MPPED2: variants seen among roughly 807,000 people sequenced by gnomAD.
MPPED2 encodes metallophosphoesterase domain containing 2, also known as metallophosphoesterase MPPED2.
A neutral mutation model predicts 33.0 loss-of-function variants in MPPED2; 5 were observed. The ratio of observed to expected loss-of-function variants is 0.15; its 90% CI spans 0.08 to 0.32. The LOEUF is 0.32. Among genes scored for constraint, MPPED2 ranks in the 10% least tolerant of loss-of-function variants. MPPED2 has a pLI of 1.00. For synonymous variants in MPPED2, 136 were observed against 141.9 expected, an observed-to-expected ratio of 0.96 and a Z score of 0.29; for missense variants, 275 against 372.1, an observed-to-expected ratio of 0.74 and a Z score of 2.15.
intron 6 of MPPED2, 146 bp from the exon 7 acceptor site, chr11:30,411,732 C>T: frequency 2.1e-6 from 1 of 476,168 alleles, no homozygotes; most frequent in Non-Finnish European, 3.6e-6. Flanking sequence ...TAATGACTTT[C>T]AGAAGCTACT....
chr11:30,389,769 G>T (rs1475655145), intron 6 of MPPED2, among the ~76,000 whole-genome samples: 1 of 152,212 alleles, frequency 6.6e-6, no homozygotes, highest in African/African-American at 2.4e-5. Context: ...TGAGGCAGGT[G>T]TTAGCCTTTT....
intron 4 of MPPED2, among the ~76,000 whole-genome samples, chr11:30,424,243 G>A (rs1279189384): frequency 6.6e-6 from 1 of 152,294 alleles, no homozygotes; most frequent in South Asian, 2.1e-4. Context: ...GTGAAGAGAG[G>A]TTCACCGAAG....
chr11:30,534,276 A>G (rs560442261), intron 3 of MPPED2, among the ~76,000 whole-genome samples: 24 of 152,324 alleles, frequency 1.6e-4, no homozygotes, highest in African/African-American at 5.8e-4. Flanking sequence ...AATTCCATTG[A>G]CACAGACTAG....
chr11:30,580,097 G>T, intron 2 of MPPED2, 149 bp downstream of exon 2: 1 of 747,184 alleles, frequency 1.3e-6, no homozygotes, highest in Non-Finnish European at 2.2e-6. Flanking sequence ...GATTCCTCCT[G>T]AGCTGTATTT....
At chr11:30,545,742 ACTGCTCAATGT>A (rs1316852638) in intron 2 of MPPED2, among the ~76,000 whole-genome samples, 1 of 152,172 alleles carries the variant, frequency 6.6e-6, no homozygotes, top group African/African-American at 2.4e-5. Flanking sequence ...CTCCAGTATG[ACTGCTCAATGT>A]CTGCTTTACT....
At chr11:30,399,143 A>ACT (rs938170963) in intron 6 of MPPED2, among the ~76,000 whole-genome samples, 2 of 136,390 alleles carry the variant, frequency 1.5e-5, no homozygotes, top group East Asian at 4.0e-4. Flanking sequence ...ATATGGAAAC[A>ACT]TTAAAAAAAG....
At chr11:30,391,339 CT>C (rs1424802396) in intron 6 of MPPED2, among the ~76,000 whole-genome samples, 5 of 152,128 alleles carry the variant, frequency 3.3e-5, no homozygotes, top group Admixed American at 6.5e-5. Context: ...ACACTCTGTA[CT>C]TTGGACGTGA....
intron 2 of MPPED2, among the ~76,000 whole-genome samples, chr11:30,573,390 T>C (rs1200749080): frequency 2.0e-5 from 3 of 152,206 alleles, no homozygotes; most frequent in Non-Finnish European, 4.4e-5. Flanking sequence ...TTATTTGCTG[T>C]ATTATACTTT....
intron 2 of MPPED2, among the ~76,000 whole-genome samples, chr11:30,551,668 G>C (rs1339723444): frequency 6.6e-6 from 1 of 152,134 alleles, no homozygotes; most frequent in African/African-American, 2.4e-5. Context: ...AAAAACAGAT[G>C]GTTTAATATA....
intron 4 of MPPED2, among the ~76,000 whole-genome samples, chr11:30,446,810 C>A (rs529458793): frequency 6.6e-6 from 1 of 152,174 alleles, no homozygotes; most frequent in African/African-American, 2.4e-5. Flanking sequence ...CGGAGCCCCC[C>A]CCGACGCCAA....
At position 30,411,600 on chromosome 11, in the gene MPPED2, G is replaced by A. The variant is rs755148903; in HGVS notation, c.767-14C>T. The A allele has an allele frequency of 8.1e-6, 13 of 1,606,412 alleles. No individual in the cohort carries two copies. In the Middle Eastern group the frequency reaches 5.0e-4, roughly 62 times the overall value. ...TGATGCCATAACCTGTGGGGAGAGC[G>A]TGTCACATTTACTGTAATATATACA... On this transcript the variant is annotated splice_polypyrimidine_tract_variant and intron_variant, in intron 6 of 6. Transcript: ENST00000358117.
At chr11:30,454,576 G>A (rs762353323) in intron 4 of MPPED2, among the ~76,000 whole-genome samples, 27 of 152,030 alleles carry the variant, frequency 1.8e-4, no homozygotes, top group Non-Finnish European at 2.6e-4. Context: ...AAAGTTGCCT[G>A]AAATTTGATA....
At chr11:30,396,225 G>C (rs1193051464) in intron 6 of MPPED2, among the ~76,000 whole-genome samples, 1 of 152,110 alleles carries the variant, frequency 6.6e-6, no homozygotes, top group Admixed American at 6.6e-5. Context: ...ATATAACCTT[G>C]CAAAATATCT....
intron 6 of MPPED2, among the ~76,000 whole-genome samples, chr11:30,400,167 C>T (rs1590157567): frequency 6.6e-6 from 1 of 152,150 alleles, no homozygotes. Context: ...TAACCTCAAG[C>T]TCCTGCATCA....
In MPPED2 at chr11:30,506,677, T is replaced by A. The variant is rs1252187599; in HGVS notation, c.311-11156A>T. Among the ~76,000 whole-genome samples, 3 of 152,184 alleles carry A rather than the reference T, an allele frequency of 2.0e-5. No individual in the cohort carries two copies. The East Asian group carries it at 5.8e-4, about 29-fold the overall frequency. On this transcript the variant is annotated intron_variant, in intron 3 of 6. Coordinates refer to ENST00000358117, the MANE Select transcript of MPPED2 (RefSeq NM_001584.3). ...TAAGTATGGTGATGATCAAATTAAATAAAAATAACATAAGGCATAAAGGCC... is the reference window on the plus strand; with the variant it reads ...TAAGTATGGTGATGATCAAATTAAAAAAAAATAACATAAGGCATAAAGGCC...
intron 4 of MPPED2, among the ~76,000 whole-genome samples, chr11:30,462,727 A>G (rs1041162481): frequency 6.6e-6 from 1 of 152,218 alleles, no homozygotes; most frequent in Non-Finnish European, 1.5e-5. Context: ...CATATAATCG[A>G]TTAAATAAAA....
chr11:30,517,452 A>G (rs577705976), intron 3 of MPPED2, among the ~76,000 whole-genome samples: 9 of 152,328 alleles, frequency 5.9e-5, no homozygotes, highest in Non-Finnish European at 8.8e-5. Context: ...ACATTTTTTA[A>G]ACCAACAATA....
intron 5 of MPPED2, among the ~76,000 whole-genome samples, chr11:30,416,274 TC>T (rs1252015723): frequency 1.3e-5 from 2 of 152,214 alleles, no homozygotes; most frequent in African/African-American, 4.8e-5. Flanking sequence ...TTTTCTTGCT[TC>T]CCCCATCACT....
At position 30,552,981 on chromosome 11, in the gene MPPED2, C is replaced by T. The variant is rs6484489; in HGVS notation, c.129-16806G>A. Among the ~76,000 whole-genome samples the T allele has an allele frequency of 2.6e-4, 40 of 152,266 alleles. No individual in the cohort carries two copies. In the South Asian group the frequency reaches 8.1e-3, roughly 31 times the overall value. ...CAGTAGTTCTGGTCAACAATTACAG[C>T]AACTCCTCTAGGATAAATAAAATAA... On this transcript the variant is annotated intron_variant, in intron 2 of 6. Transcript: ENST00000358117.
Sources: allele counts gnomAD v4.1 joint callset (sites outside exome capture counted in the v4.1 genomes callset), GRCh38; gene constraint gnomAD v4.1.1; transcripts MANE v1.5; gene names NCBI Gene and HGNC (gene_info 2026-07-23, HGNC 2026-07-21).